MUTYH: variants seen among roughly 807,000 people sequenced by gnomAD.
The protein encoded by MUTYH is mutY DNA glycosylase.
In MUTYH, 64 loss-of-function variants were observed where a neutral mutation model predicts 72.9. The ratio of observed to expected loss-of-function variants is 0.88; its 90% CI spans 0.72 to 1.08. The LOEUF is 1.08. MUTYH is among the 50% of genes least tolerant of loss of function. MUTYH has a pLI of 0.00. For missense variants in MUTYH, 633 were observed against 671.0 expected, an observed-to-expected ratio of 0.94 and a Z score of 0.63; for synonymous variants, 234 against 263.1, an observed-to-expected ratio of 0.89 and a Z score of 1.07.
rs149599144 is a variant in MUTYH, at chr1:45,335,376, C to T, written c.-6-865G>A. Among the ~76,000 whole-genome samples the T allele has an allele frequency of 3.3e-3, 506 of 152,180 alleles. 1 individual carries two copies. The highest frequency in any genetic ancestry group is 5.4e-3 in the Non-Finnish European group (368 of 68,010). On this transcript the variant is annotated intron_variant, in intron 1 of 15. Coordinates refer to ENST00000456914, the MANE Select transcript of MUTYH (RefSeq NM_001048174.2). Reference sequence around the variant, plus strand: ...ATACTGTGATAAAATGCAGTCCCTGCTAAGCCTCTGTATCAAACTCTCCCC... The same window carrying T: ...ATACTGTGATAAAATGCAGTCCCTGTTAAGCCTCTGTATCAAACTCTCCCC...
chr1:45,340,316 C>G, upstream of MUTYH: 1 of 1,610,786 alleles, frequency 6.2e-7, no homozygotes, highest in Non-Finnish European at 8.5e-7. Context: ...TGAGCGGCTT[C>G]CCAGAGGTAG....
At chr1:45,334,278 C>T (rs1010070683) in intron 2 of MUTYH, 113 bp downstream of exon 2, 23 of 1,522,916 alleles carry the variant, frequency 1.5e-5, no homozygotes, top group Non-Finnish European at 1.8e-5. Flanking sequence ...TGTGAGCCAC[C>T]GCACCTGGCC....
rs1553129383 is a variant in MUTYH at position 45,332,972 on chromosome 1, G to A, written c.379-13C>T. The stretch of plus-strand genomic sequence containing the variant: ...GTGTAGGCCACTTCTATAGCCACAG[G>A]CAGGCAGAAAGAGACAAGGTCAAGG... On this transcript the variant is annotated splice_polypyrimidine_tract_variant and intron_variant, in intron 5 of 15. Transcript: ENST00000456914. The A allele has an allele frequency of 6.2e-7, 1 of 1,614,108 alleles. No individual in the cohort carries two copies. Among genetic ancestry groups the A allele is most frequent in the South Asian group, 1.1e-5 (1 of 91,080 alleles).
chr1:45,331,762 G>C lies in MUTYH; in HGVS notation c.1001C>G (p.Ala334Gly), dbSNP rs753207020. The C allele has an allele frequency of 6.2e-7, 1 of 1,613,952 alleles. No homozygotes were observed. Among genetic ancestry groups the C allele is most frequent in the South Asian group, 1.1e-5 (1 of 91,078 alleles). Residue 334 changes from alanine (A) to glycine (G), a missense_variant, in exon 12 of 16, where the codon GCC (alanine) becomes GGC (glycine). Coordinates refer to ENST00000456914, the MANE Select transcript of MUTYH (RefSeq NM_001048174.2). ...TLGVVNFPRK[A>G]SRKPPREESS... The stretch of plus-strand genomic sequence containing the variant: ...CTCCTCCCTGGGGGGCTTGCGGCTG[G>C]CCTTTCTGGGGAAGTTGACCACTCC...
intron 14 of MUTYH, 78 bp from the exon 15 acceptor site, chr1:45,330,635 G>T: frequency 6.7e-7 from 1 of 1,482,160 alleles, no homozygotes; most frequent in Non-Finnish European, 9.2e-7. Context: ...TTAACTTCAT[G>T]TCCCAGTACT....
upstream of MUTYH, chr1:45,340,191 C>T: frequency 6.2e-7 from 1 of 1,613,256 alleles, no homozygotes; most frequent in Non-Finnish European, 8.5e-7. Context: ...TGAACCGCGC[C>T]AGGAGACGGA....
upstream of MUTYH, chr1:45,340,215 G>C (rs774530388): frequency 1.9e-6 from 3 of 1,613,794 alleles, no homozygotes; most frequent in Admixed American, 5.0e-5. Flanking sequence ...CAAGTCCAGC[G>C]TACCCACAGA....
rs386833408 is a variant in MUTYH at position 45,334,478 on chromosome 1, T to C, written c.28A>G (p.Ser10Gly). 4 of 1,614,124 alleles carry C rather than the reference T, an allele frequency of 2.5e-6. No homozygotes were observed. In the East Asian group the frequency reaches 8.9e-5, roughly 36 times the overall value. MRKPRAAVG[S>G]GHRKQAASQE... is the part of the protein sequence containing the mutation. ...CTGGCTGCCTGCTTCCTGTGACCAC[T>C]TCCCACGGCTGCTCGTGGCTTCCTC... Residue 10 changes from serine to glycine, a missense_variant, in exon 2 of 16, where the codon AGT (serine) becomes GGT (glycine). By Grantham distance (56) the Ser-to-Gly change is moderately conservative. Coordinates refer to ENST00000456914, the MANE Select transcript of MUTYH (RefSeq NM_001048174.2).
At chr1:45,334,241 G>T in intron 2 of MUTYH, 150 bp downstream of exon 2, 4 of 1,194,930 alleles carry the variant, frequency 3.3e-6, no homozygotes, top group Non-Finnish European at 4.8e-6. Context: ...CACCTGCCTC[G>T]GCCTCCCAAA....
intron 2 of MUTYH, 123 bp from the exon 3 acceptor site, chr1:45,333,684 C>T (rs1645413160): frequency 7.0e-7 from 1 of 1,420,742 alleles, no homozygotes; most frequent in South Asian, 1.4e-5. Flanking sequence ...CCCCCTTAAG[C>T]TTTGGAGCTG....
At position 45,331,051 on chromosome 1, in the gene MUTYH, C is replaced by T. The variant is rs370402449; in HGVS notation, c.1392+131G>A. On this transcript the variant is annotated intron_variant, in intron 14 of 15. Transcript: ENST00000456914. Reference sequence around the variant, plus strand: ...AGTCAACCGAGATAGCGCCATTGCACTCCAGCCTGGGCAACAGAGCGATTC... The same window carrying T: ...AGTCAACCGAGATAGCGCCATTGCATTCCAGCCTGGGCAACAGAGCGATTC... 2,231 of 1,293,632 alleles carry T rather than the reference C, an allele frequency of 1.7e-3. 47 individuals carry two copies. In the South Asian group the frequency reaches 0.026, roughly 15 times the overall value. 80.1% of individuals were successfully genotyped at this position (1,293,632 alleles called of 1,614,324 possible).
intron 1 of MUTYH, among the ~76,000 whole-genome samples, chr1:45,335,720 G>A (rs1645783284): frequency 1.3e-5 from 2 of 152,026 alleles, no homozygotes; most frequent in South Asian, 2.1e-4. Flanking sequence ...TTAGCCAGAC[G>A]TGCTCGCTTG....
chr1:45,339,525 T>C, intron 1 of MUTYH: 1 of 277,614 alleles, frequency 3.6e-6, no homozygotes, highest in Non-Finnish European at 7.1e-6. Flanking sequence ...AGGAACCTCT[T>C]TCAAATTCAA....
At chr1:45,337,147 C>CTT (rs571256815) in intron 1 of MUTYH, among the ~76,000 whole-genome samples, 1 of 142,540 alleles carries the variant, frequency 7.0e-6, no homozygotes, top group African/African-American at 2.6e-5. Context: ...GTTTCCCATT[C>CTT]TTTTTTTTTT....
Position 45,331,405 on chromosome 1 carries a change from C to T in MUTYH, c.1239+15G>A, listed in dbSNP as rs2149116475. ...TCAAAAGCCAACATCCTTGGCTATT[C>T]CGCTGCTCACTTACCTCCCCAAGGT... On this transcript the variant is annotated intron_variant, in intron 13 of 15. Coordinates refer to ENST00000456914, the MANE Select transcript of MUTYH (RefSeq NM_001048174.2). 1.2e-6 allele frequency: 2 copies of T among 1,614,236 alleles called. No individual in the cohort carries two copies. Among genetic ancestry groups the T allele is most frequent in the Non-Finnish European group, 8.5e-7 (1 of 1,180,040 alleles).
intron 15 of MUTYH, 27 bp downstream of exon 15, chr1:45,330,489 C>T (rs370441616): frequency 2.1e-5 from 33 of 1,602,942 alleles, no homozygotes; most frequent in South Asian, 1.6e-4. Context: ...TGGGGAGACA[C>T]GGTTGGGAGA....
chr1:45,334,061 CA>C, intron 2 of MUTYH: 1 of 389,142 alleles, frequency 2.6e-6, no homozygotes, highest in South Asian at 2.2e-5. Context: ...GACTGAAATG[CA>C]GTTGCATTAT....
rs1570312447 is a variant in MUTYH at position 45,329,374 on chromosome 1, C to T, written c.1498G>A (p.Val500Ile). Residue 500 changes from valine to isoleucine, a missense_variant, in exon 16 of 16, where the codon GTC becomes ATC. Val to Ile is a conservative substitution (Grantham distance 29, BLOSUM62 3). Coordinates refer to ENST00000456914, the MANE Select transcript of MUTYH (RefSeq NM_001048174.2). ...SRKKPRMGQQ[V>I]LDNFFRSHIS... Reference sequence around the variant, plus strand: ...TGAGACCGAAAGAAATTATCCAGGACTTGCTGGCCCATGCGGGGCTTTTTC... The same window carrying T: ...TGAGACCGAAAGAAATTATCCAGGATTTGCTGGCCCATGCGGGGCTTTTTC... 6.2e-7 allele frequency: 1 copy of T among 1,614,212 alleles called. No homozygotes were observed. The highest frequency in any genetic ancestry group is 8.5e-7 in the Non-Finnish European group (1 of 1,180,048).
intron 9 of MUTYH, 28 bp from the exon 10 acceptor site, chr1:45,332,338 C>G (rs897800317): frequency 5.0e-6 from 8 of 1,614,122 alleles, no homozygotes; most frequent in African/African-American, 1.3e-5. Context: ...TGCTGTGAAG[C>G]AGAGCTCCTT....
Sources: allele counts gnomAD v4.1 joint callset (sites outside exome capture counted in the v4.1 genomes callset), GRCh38; gene constraint gnomAD v4.1.1; transcripts MANE v1.5; gene names NCBI Gene and HGNC (gene_info 2026-07-23, HGNC 2026-07-21).